Variants in LPP observed in about 807,000 individuals in gnomAD.
LPP encodes LIM domain containing preferred translocation partner in lipoma.
In LPP, 38 loss-of-function variants were observed where a neutral mutation model predicts 60.4. The ratio of observed to expected loss-of-function variants is 0.63; its 90% CI spans 0.49 to 0.83. LPP has a LOEUF of 0.83. Among genes scored for constraint, LPP ranks in the 40% least tolerant of loss-of-function variants. LPP has a pLI of 0.00. For synonymous variants in LPP, 328 were observed against 290.8 expected (o/e 1.13, Z -1.30); for missense variants, 902 against 783.6 (o/e 1.15, Z -1.80).
At position 188,884,470 on chromosome 3, in the gene LPP, GT is replaced by G; in HGVS notation, c.*9992del. On this transcript the variant is annotated 3_prime_UTR_variant, in exon 12 of 12. Coordinates refer to ENST00000617246, the MANE Select transcript of LPP (RefSeq NM_001375462.1). ...AGCTTGCACACATCTGTGTCTTCTT[GT>G]GGGAAACCTCTAGGTATTCTGTCTG... The G allele has an allele frequency of 4.4e-6, 1 of 229,286 alleles. No individual in the cohort carries two copies. Among genetic ancestry groups the G allele is most frequent in the Non-Finnish European group, 8.6e-6 (1 of 115,624 alleles). The allele number at this position is 229,286 out of a possible 1,614,324, so 14.2% of individuals were successfully genotyped here.
rs12636215 is a variant in LPP at position 188,532,762 on chromosome 3, T to C, written c.429+7975T>C. Among the ~76,000 whole-genome samples the C allele has an allele frequency of 5.0e-4, 76 of 152,262 alleles. No individual in the cohort carries two copies. The East Asian group carries it at 0.014, about 29-fold the overall frequency. ...AAAAGATAGAATAGTATTCTCAAGC[T>C]ACAAGAAATAAGATGATGGCTCAAA... is the stretch of plus-strand genomic sequence containing the variant. On this transcript the variant is annotated intron_variant, in intron 6 of 11. Transcript: ENST00000617246.
intron 5 of LPP, among the ~76,000 whole-genome samples, chr3:188,508,990 A>T (rs370051734): frequency 2.0e-5 from 3 of 152,262 alleles, no homozygotes; most frequent in African/African-American, 7.2e-5. Context: ...GATTTGGTAA[A>T]TCTAGGAGGG....
intron 8 of LPP, among the ~76,000 whole-genome samples, chr3:188,739,954 T>C (rs145657713): frequency 6.6e-6 from 1 of 152,226 alleles, no homozygotes; most frequent in East Asian, 1.9e-4. Flanking sequence ...GACCAATGAC[T>C]GTCATTCATT....
chr3:188,707,396 TG>T (rs1865689790), intron 7 of LPP, among the ~76,000 whole-genome samples: 1 of 152,140 alleles, frequency 6.6e-6, no homozygotes, highest in Non-Finnish European at 1.5e-5. Flanking sequence ...CTTTGATCCC[TG>T]CCCCCCTGCC....
chr3:188,649,269 G>A (rs1247045442), intron 7 of LPP, among the ~76,000 whole-genome samples: 1 of 152,178 alleles, frequency 6.6e-6, no homozygotes, highest in Non-Finnish European at 1.5e-5. Context: ...TACAGGTAAA[G>A]GATGATGCTT....
intron 9 of LPP, among the ~76,000 whole-genome samples, chr3:188,859,854 T>C (rs1289679016): frequency 1.3e-5 from 2 of 152,212 alleles, no homozygotes; most frequent in Non-Finnish European, 2.9e-5. Context: ...GATTTGATGC[T>C]ATCTATTAAA....
At chr3:188,166,207 T>C (rs1719909107) in intron 1 of LPP, among the ~76,000 whole-genome samples, 1 of 152,170 alleles carries the variant, frequency 6.6e-6, no homozygotes, top group Non-Finnish European at 1.5e-5. Context: ...TTTTTAAATT[T>C]AATTCCTGGG....
At chr3:188,228,117 C>T (rs1718489909) in intron 2 of LPP, among the ~76,000 whole-genome samples, 1 of 152,194 alleles carries the variant, frequency 6.6e-6, no homozygotes, top group African/African-American at 2.4e-5. Context: ...GAAAAGGCAT[C>T]AGCCAGCTGC....
intron 9 of LPP, among the ~76,000 whole-genome samples, chr3:188,838,690 G>C (rs976095758): frequency 2.6e-5 from 4 of 152,184 alleles, no homozygotes; most frequent in Non-Finnish European, 5.9e-5. Context: ...AAAGGGATGA[G>C]TTCATGTCCT....
intron 7 of LPP, among the ~76,000 whole-genome samples, chr3:188,701,406 A>G (rs1447126136): frequency 6.6e-6 from 1 of 152,234 alleles, no homozygotes; most frequent in Non-Finnish European, 1.5e-5. Flanking sequence ...TATTTTAAGA[A>G]GGGAAAATAC....
At chr3:188,751,305 C>T (rs1282987269) in intron 8 of LPP, among the ~76,000 whole-genome samples, 4 of 152,124 alleles carry the variant, frequency 2.6e-5, no homozygotes, top group Non-Finnish European at 4.4e-5. Context: ...GGAGAGATCA[C>T]GGAGCAGATT....
intron 8 of LPP, among the ~76,000 whole-genome samples, chr3:188,752,925 T>A (rs2150342818): frequency 6.6e-6 from 1 of 152,306 alleles, no homozygotes; most frequent in Non-Finnish European, 1.5e-5. Context: ...CTGTGGTAGA[T>A]CATGACTTTC....
intron 9 of LPP, among the ~76,000 whole-genome samples, chr3:188,784,523 A>G (rs1577529567): frequency 2.4e-5 from 1 of 42,430 alleles, no homozygotes; most frequent in Non-Finnish European, 3.8e-5. Context: ...TCCATCATAT[A>G]TATATATTCC....
intron 3 of LPP, among the ~76,000 whole-genome samples, chr3:188,375,603 T>C (rs923714068): frequency 1.3e-5 from 2 of 152,192 alleles, no homozygotes; most frequent in African/African-American, 4.8e-5. Flanking sequence ...TCTTTTCTTC[T>C]TTATTAGTCT....
intron 2 of LPP, among the ~76,000 whole-genome samples, chr3:188,254,744 G>A (rs759499896): frequency 3.3e-5 from 5 of 152,104 alleles, no homozygotes; most frequent in South Asian, 2.1e-4. Flanking sequence ...GCCTCTCCTC[G>A]GGTGAAAGAT....
chr3:188,349,435 G>A (rs1765257652), intron 3 of LPP, among the ~76,000 whole-genome samples: 1 of 152,130 alleles, frequency 6.6e-6, no homozygotes, highest in Non-Finnish European at 1.5e-5. Context: ...TTGCTGTCTG[G>A]CTGGGGCCAT....
chr3:188,585,712 C>T (rs979838311), intron 6 of LPP, among the ~76,000 whole-genome samples: 2 of 152,178 alleles, frequency 1.3e-5, no homozygotes, highest in African/African-American at 4.8e-5. Flanking sequence ...TATATTTATA[C>T]AGGTATTTCA....
chr3:188,367,360 C>A (rs1270012343), intron 3 of LPP, among the ~76,000 whole-genome samples: 1 of 152,080 alleles, frequency 6.6e-6, no homozygotes, highest in Non-Finnish European at 1.5e-5. Context: ...AAGAAAATCT[C>A]AAGAAGTAGA....
At chr3:188,308,294 G>A (rs1234278298) in intron 2 of LPP, among the ~76,000 whole-genome samples, 1 of 152,098 alleles carries the variant, frequency 6.6e-6, no homozygotes, top group Non-Finnish European at 1.5e-5. Flanking sequence ...CACAGAGAAG[G>A]CAAGCTGTGG....
Sources: allele counts gnomAD v4.1 joint callset (sites outside exome capture counted in the v4.1 genomes callset), GRCh38; gene constraint gnomAD v4.1.1; transcripts MANE v1.5; gene names NCBI Gene and HGNC (gene_info 2026-07-23, HGNC 2026-07-21).